The following KCNC1 variants were observed in gnomAD, a reference collection of about 807,000 sequenced individuals.
KCNC1 encodes voltage-gated potassium channel KCNC1.
Under a neutral mutation model 43.4 loss-of-function variants are expected in KCNC1, and 8 were observed. The observed-to-expected ratio is 0.18, with a 90% CI of 0.11 to 0.33. The LOEUF (loss-of-function observed/expected upper bound fraction) is 0.33, where lower values mean the gene tolerates loss of function less well. Ranked by LOEUF, KCNC1 falls within the 10% of genes least tolerant of loss-of-function variation. KCNC1 has a pLI of 1.00. For missense variants in KCNC1, 420 were observed against 836.0 expected, an observed-to-expected ratio of 0.50 and a Z score of 6.14; for synonymous variants, 361 against 360.5, an observed-to-expected ratio of 1.00 and a Z score of -0.01.
At chr11:17,743,668 C>T (rs570265721) in intron 1 of KCNC1, among the ~76,000 whole-genome samples, 56 of 152,324 alleles carry the variant, frequency 3.7e-4, no homozygotes, top group Non-Finnish European at 7.2e-4. Flanking sequence ...CCCCTCAGCT[C>T]GGCACTCCAA....
chr11:17,738,032 G>T (rs1848789497), intron 1 of KCNC1, among the ~76,000 whole-genome samples: 1 of 151,968 alleles, frequency 6.6e-6, no homozygotes, highest in South Asian at 2.1e-4. Context: ...TAGCCGGTCA[G>T]TCTTATACCT....
At chr11:17,775,247 G>C in intron 2 of KCNC1, 1 of 985,654 alleles carries the variant, frequency 1.0e-6, no homozygotes, top group Non-Finnish European at 1.2e-6. Flanking sequence ...ACCAGAGTTA[G>C]GGGCTGTGTG....
rs1453323956 is a variant in KCNC1 at position 17,771,493 on chromosome 11, GC to G, written c.571-169del. Among the ~76,000 whole-genome samples the G allele has an allele frequency of 3.9e-5, 6 of 152,186 alleles. No individual in the cohort carries two copies. The highest frequency in any genetic ancestry group is 7.4e-5 in the Non-Finnish European group (5 of 68,024). On this transcript the variant is annotated intron_variant, in intron 1 of 3. Transcript: ENST00000265969. This position sits in a 1 kb window ranked among gnomAD's most constrained non-coding sequence, Gnocchi z 4.7. ...GCGGAGTAGGAGGGTTTTAGAGCCT[GC>G]CCTGACGGTCGTGCAGGCCCCCTGT...
rs1848743408 is a variant in KCNC1, at chr11:17,734,817, G to C, written c.-1186G>C. ...CGAGCAGGCGACGGGCGAGCAGCAAGCGGAGCAGCAGCCCGGGCGGCAGCA... is the reference window on the plus strand; with the variant it reads ...CGAGCAGGCGACGGGCGAGCAGCAACCGGAGCAGCAGCCCGGGCGGCAGCA... On this transcript the variant is annotated 5_prime_UTR_variant, in exon 1 of 4. Coordinates refer to ENST00000265969, the MANE Select transcript of KCNC1 (RefSeq NM_001112741.2). The C allele has an allele frequency of 2.0e-5, 3 of 151,362 alleles. No individual in the cohort carries two copies. In the Middle Eastern group the frequency reaches 0.01, roughly 515 times the overall value. 9.4% of individuals were successfully genotyped at this position (151,362 alleles called of 1,614,324 possible).
chr11:17,778,850 G>A (rs1450222847), intron 2 of KCNC1, among the ~76,000 whole-genome samples: 1 of 148,526 alleles, frequency 6.7e-6, no homozygotes, highest in Non-Finnish European at 1.5e-5. Context: ...GGGGGGTACG[G>A]GCGCAGGCTG....
rs1467145531 is a variant in KCNC1, at chr11:17,776,361, A to T, written c.1505-3095A>T. 1 of 985,198 alleles carries T rather than the reference A, an allele frequency of 1.0e-6. No individual in the cohort carries two copies. Among genetic ancestry groups the T allele is most frequent in the Non-Finnish European group, 1.2e-6 (1 of 829,948 alleles). The allele number at this position is 985,198 out of a possible 1,614,324, so 61.0% of individuals were successfully genotyped here. ...GGCAGATCCCTCAGGGCTAAACCCA[A>T]GGAAATGCCCAGCAACCCCCAACCC... On this transcript the variant is annotated intron_variant, in intron 2 of 3. Coordinates refer to ENST00000265969, the MANE Select transcript of KCNC1 (RefSeq NM_001112741.2). This position sits in a 1 kb window ranked among gnomAD's most constrained non-coding sequence, Gnocchi z 4.4.
chr11:17,738,974 G>A (rs1335388502), intron 1 of KCNC1, among the ~76,000 whole-genome samples: 1 of 152,254 alleles, frequency 6.6e-6, no homozygotes, highest in East Asian at 1.9e-4. Context: ...ACCTGCCCAA[G>A]GGCACTCGGG....
At chr11:17,768,679 C>T (rs1201978576) in intron 1 of KCNC1, among the ~76,000 whole-genome samples, 1 of 151,866 alleles carries the variant, frequency 6.6e-6, no homozygotes, top group Admixed American at 6.6e-5. Context: ...GAGGTGCCTC[C>T]AGCCTTCAGC....
Position 17,736,534 on chromosome 11 carries a change from G to T in KCNC1, c.532G>T (p.Ala178Ser). 6.3e-7 allele frequency: 1 copy of T among 1,579,998 alleles called. No homozygotes were observed. Among genetic ancestry groups the T allele is most frequent in the South Asian group, 1.1e-5 (1 of 88,346 alleles). The change falls in exon 1 of 4, where the codon GCG (alanine) becomes TCG (serine). Residue 178 changes from alanine to serine, a missense_variant. Physicochemically the swap from Ala to Ser is moderately conservative, Grantham distance 99. Around this residue, in one of 5 missense-constraint regions of KCNC1, gnomAD observed 151 missense variants for 216.7 expected, o/e 0.70. Coordinates refer to ENST00000265969, the MANE Select transcript of KCNC1 (RefSeq NM_001112741.2). The surrounding 1 kb of genome is among the most constrained non-coding windows in gnomAD (Gnocchi z 9.3). ...FWRRWQPRIW[A>S]LFEDPYSSRY... ...GCGCCGCTGGCAGCCGCGCATCTGG[G>T]CGCTCTTCGAGGACCCGTACTCGTC...
chr11:17,757,149 G>A (rs1849031931), intron 1 of KCNC1, among the ~76,000 whole-genome samples: 2 of 152,220 alleles, frequency 1.3e-5, no homozygotes, highest in Admixed American at 6.5e-5. Context: ...CTCAACAAAG[G>A]TAAATATTCC....
intron 1 of KCNC1, among the ~76,000 whole-genome samples, chr11:17,751,766 C>A (rs1848970954): frequency 6.6e-6 from 1 of 152,208 alleles, no homozygotes; most frequent in Non-Finnish European, 1.5e-5. Flanking sequence ...GTTTTCCAGA[C>A]CTGCCTCTGG....
intron 1 of KCNC1, among the ~76,000 whole-genome samples, chr11:17,764,090 C>T (rs1336452623): frequency 7.1e-6 from 1 of 140,692 alleles, no homozygotes; most frequent in East Asian, 2.2e-4. Context: ...CCTACACTTG[C>T]ATAGCCCCCC....
chr11:17,756,959 C>G (rs7125500), intron 1 of KCNC1, among the ~76,000 whole-genome samples: 132,125 of 152,182 alleles, frequency 0.87, 57,603 homozygotes, highest in East Asian at 1. Context: ...TAACACTTTC[C>G]AGCTATGTGG....
chr11:17,739,100 C>T lies in KCNC1; in HGVS notation c.570+2528C>T, dbSNP rs1174260658. ...TCTGCGCACAGACCAGCCGCCTGCCCGCCCTCCTCCCCCTCTGTCTTTGCT... is the reference window on the plus strand; with the variant it reads ...TCTGCGCACAGACCAGCCGCCTGCCTGCCCTCCTCCCCCTCTGTCTTTGCT... On this transcript the variant is annotated intron_variant, in intron 1 of 3. Transcript: ENST00000265969. The surrounding 1 kb of genome is among the most constrained non-coding windows in gnomAD (Gnocchi z 4.2). Among the ~76,000 whole-genome samples the T allele has an allele frequency of 2.0e-5, 3 of 152,198 alleles. No individual in the cohort carries two copies. Among genetic ancestry groups the T allele is most frequent in the Non-Finnish European group, 4.4e-5 (3 of 68,038 alleles).
intron 1 of KCNC1, among the ~76,000 whole-genome samples, chr11:17,754,496 G>A (rs1396316464): frequency 2.0e-5 from 3 of 152,204 alleles, no homozygotes; most frequent in Non-Finnish European, 4.4e-5. Context: ...ACCAGCCGCC[G>A]GGGGCTCACT....
Position 17,736,740 on chromosome 11 carries a change from G to C in KCNC1, c.570+168G>C, listed in dbSNP as rs945660633. 6.6e-6 allele frequency among the ~76,000 whole-genome samples: 1 copy of C among 152,194 alleles called. No individual in the cohort carries two copies. The highest frequency in any genetic ancestry group is 1.5e-5 in the Non-Finnish European group (1 of 68,036). On this transcript the variant is annotated intron_variant, in intron 1 of 3. Transcript: ENST00000265969. This position sits in a 1 kb window ranked among gnomAD's most constrained non-coding sequence, Gnocchi z 9.3. ...GGTAAGAGAGGAAGGGTGTCCGCCG[G>C]GGTTCTGGTTTTCTATGTATGTCAG...
intron 1 of KCNC1, among the ~76,000 whole-genome samples, chr11:17,763,822 CTCACACATGCTTATATACACATCCACCT>C (rs1849111037): frequency 1.4e-5 from 2 of 144,076 alleles, no homozygotes; most frequent in Admixed American, 6.9e-5. Context: ...CACACACCAC[CTCACACATGCTTATATACACATCCACCT>C]CCACACACAC....
chr11:17,764,485 C>T (rs1274580654), intron 1 of KCNC1, among the ~76,000 whole-genome samples: 1 of 152,158 alleles, frequency 6.6e-6, no homozygotes, highest in Non-Finnish European at 1.5e-5. Flanking sequence ...GTTATGTAGA[C>T]ATGACACACC....
intron 1 of KCNC1, among the ~76,000 whole-genome samples, chr11:17,754,176 G>T (rs914906935): frequency 6.6e-6 from 1 of 152,160 alleles, no homozygotes; most frequent in Admixed American, 6.5e-5. Flanking sequence ...TGCACTCATT[G>T]CCAGTGTAGA....
Sources: gnomAD v4.1 joint callset for allele counts (sites outside exome capture counted in the v4.1 genomes callset) on GRCh38, gnomAD v4.1.1 for gene constraint, gnomAD v4.1.1 regional missense constraint, Gnocchi (gnomAD v3.1) non-coding constraint, MANE v1.5 for transcripts, NCBI Gene and HGNC (gene_info 2026-07-23, HGNC 2026-07-21) for gene names.